The following ANO2 variants were observed in gnomAD, a reference collection of about 807,000 sequenced individuals.
The protein encoded by ANO2 is anoctamin 2.
A neutral mutation model predicts 124.2 loss-of-function variants in ANO2; 101 were observed. The ratio of observed to expected loss-of-function variants is 0.81; its 90% confidence interval spans 0.69 to 0.96. The LOEUF (loss-of-function observed/expected upper bound fraction) is 0.96. Ranked by LOEUF, ANO2 falls within the 40% of genes least tolerant of loss-of-function variation. The pLI, the probability that ANO2 is intolerant of heterozygous loss-of-function variation, is 0.00. For synonymous variants in ANO2, 486 were observed against 482.5 expected (o/e 1.01, Z -0.09); for missense variants, 1,293 against 1,274.5 (o/e 1.01, Z -0.22).
At chr12:5,789,829 T>C (rs763018816) in intron 10 of ANO2, among the ~76,000 whole-genome samples, 2 of 152,234 alleles carry the variant, frequency 1.3e-5, no homozygotes, top group Non-Finnish European at 2.9e-5. Flanking sequence ...CTTGCGGTTG[T>C]TGTTGTAACG....
At chr12:5,867,112 G>A (rs1955446729) in intron 3 of ANO2, among the ~76,000 whole-genome samples, 1 of 152,182 alleles carries the variant, frequency 6.6e-6, no homozygotes, top group Non-Finnish European at 1.5e-5. Flanking sequence ...CTTCCTTCTA[G>A]GAGCCATTAC....
intron 4 of ANO2, among the ~76,000 whole-genome samples, chr12:5,842,324 T>C (rs1312447968): frequency 5.3e-5 from 8 of 152,156 alleles, no homozygotes; most frequent in Admixed American, 2.0e-4. Context: ...ATTCATTGGA[T>C]GGTCGGAGGG....
chr12:5,850,272 C>T (rs529707952), intron 4 of ANO2, among the ~76,000 whole-genome samples: 10 of 151,840 alleles, frequency 6.6e-5, no homozygotes, highest in East Asian at 1.9e-4. Flanking sequence ...AAAAAATAGC[C>T]GGGCGTGGTG....
intron 13 of ANO2, 144 bp from the exon 14 acceptor site, chr12:5,732,774 A>G: frequency 6.3e-7 from 1 of 1,576,420 alleles, no homozygotes; most frequent in South Asian, 1.1e-5. Context: ...ACACAATCAC[A>G]AGGCATCTAG....
chr12:5,571,071 G>A (rs897979855), intron 23 of ANO2, among the ~76,000 whole-genome samples: 1 of 152,208 alleles, frequency 6.6e-6, no homozygotes, highest in South Asian at 2.1e-4. Context: ...CAAGCCCTTA[G>A]GACCTGCAGG....
intron 4 of ANO2, among the ~76,000 whole-genome samples, chr12:5,846,098 T>C (rs1248087619): frequency 1.3e-5 from 2 of 152,228 alleles, no homozygotes; most frequent in Non-Finnish European, 1.5e-5. Flanking sequence ...GATGCTAATA[T>C]CCTTCTTTGC....
intron 14 of ANO2, among the ~76,000 whole-genome samples, chr12:5,671,073 C>T (rs983391073): frequency 1.1e-4 from 17 of 152,290 alleles, no homozygotes; most frequent in African/African-American, 3.6e-4. Flanking sequence ...AGCACACTTG[C>T]CCTCAGAAAG....
At chr12:5,671,274 G>A (rs950245277) in intron 14 of ANO2, among the ~76,000 whole-genome samples, 2 of 151,986 alleles carry the variant, frequency 1.3e-5, no homozygotes, top group Non-Finnish European at 2.9e-5. Flanking sequence ...CCAAAGCACT[G>A]GGCAGGCATT....
intron 7 of ANO2, among the ~76,000 whole-genome samples, chr12:5,825,886 C>T (rs1040288947): frequency 5.3e-5 from 8 of 152,172 alleles, no homozygotes; most frequent in Non-Finnish European, 2.9e-5. Context: ...AAGAAAACCA[C>T]GACCTGCTGA....
intron 4 of ANO2, among the ~76,000 whole-genome samples, chr12:5,833,449 C>T (rs528228456): frequency 2.2e-4 from 34 of 152,236 alleles, no homozygotes; most frequent in Admixed American, 4.6e-4. Context: ...ATCTCTGTTC[C>T]CACCCCCCTT....
intron 7 of ANO2, among the ~76,000 whole-genome samples, chr12:5,814,228 AACG>A (rs1953528100): frequency 6.6e-6 from 1 of 152,210 alleles, no homozygotes; most frequent in Non-Finnish European, 1.5e-5. Context: ...TCCAGGTTAC[AACG>A]CCGTCCCTGG....
intron 1 of ANO2, among the ~76,000 whole-genome samples, chr12:5,944,478 T>C (rs1943015255): frequency 6.6e-6 from 1 of 152,226 alleles, no homozygotes. Flanking sequence ...TCCCTCTTCA[T>C]GCCTGTCTCA....
intron 10 of ANO2, among the ~76,000 whole-genome samples, chr12:5,765,548 G>T (rs16933861): frequency 0.17 from 25,986 of 152,162 alleles, 2,312 homozygotes; most frequent in Middle Eastern, 0.23. Context: ...GGGAAAACCT[G>T]GGCATGAATC....
chr12:5,853,773 G>C (rs893203962), intron 4 of ANO2, among the ~76,000 whole-genome samples: 1 of 151,958 alleles, frequency 6.6e-6, no homozygotes, highest in Admixed American at 6.5e-5. Context: ...ACAGAAAAAT[G>C]AAGAACACGG....
chr12:5,708,634 T>C (rs1250192404), intron 14 of ANO2, among the ~76,000 whole-genome samples: 1 of 152,222 alleles, frequency 6.6e-6, no homozygotes, highest in Non-Finnish European at 1.5e-5. Context: ...CTTAGAGCCA[T>C]TGTTTAATCA....
intron 20 of ANO2, among the ~76,000 whole-genome samples, chr12:5,590,680 A>G (rs1943351593): frequency 6.6e-6 from 1 of 152,216 alleles, no homozygotes; most frequent in Admixed American, 6.5e-5. Flanking sequence ...GAATGAGAAG[A>G]GCAGGCGATC....
At chr12:5,613,357 A>T (rs1944642204) in intron 17 of ANO2, among the ~76,000 whole-genome samples, 1 of 152,154 alleles carries the variant, frequency 6.6e-6, no homozygotes, top group Non-Finnish European at 1.5e-5. Flanking sequence ...AGAGTTTCTG[A>T]TTCCCAGGAA....
At chr12:5,668,918 T>A (rs1476879889) in intron 14 of ANO2, among the ~76,000 whole-genome samples, 1 of 152,194 alleles carries the variant, frequency 6.6e-6, no homozygotes, top group Non-Finnish European at 1.5e-5. Flanking sequence ...CCTTTTTTTG[T>A]ACCAGCACCA....
chr12:5,733,386 C>A (rs1228916992), intron 13 of ANO2, among the ~76,000 whole-genome samples: 1 of 152,202 alleles, frequency 6.6e-6, no homozygotes, highest in Non-Finnish European at 1.5e-5. Flanking sequence ...ATGCATAACT[C>A]ACTTCAAAGA....
Sources: allele counts gnomAD v4.1 joint callset (sites outside exome capture counted in the v4.1 genomes callset), GRCh38; gene constraint gnomAD v4.1.1; transcripts MANE v1.5; gene names NCBI Gene and HGNC (gene_info 2026-07-23, HGNC 2026-07-21).